The following UMODL1 variants were observed in gnomAD, a reference collection of about 807,000 sequenced individuals.
The protein encoded by UMODL1 is uromodulin-like 1.
A neutral mutation model predicts 136.3 loss-of-function variants in UMODL1; 128 were observed. That is an observed-to-expected ratio of 0.94 (90% CI 0.81 to 1.09). UMODL1 has a LOEUF of 1.09. Among genes scored for constraint, UMODL1 ranks in the 50% least tolerant of loss-of-function variants. The pLI is 0.00. For synonymous variants in UMODL1, 721 were observed against 720.0 expected, an observed-to-expected ratio of 1.00 and a Z score of -0.02; for missense variants, 1,766 against 1,725.6, an observed-to-expected ratio of 1.02 and a Z score of -0.41.
Position 42,084,617 on chromosome 21 carries a change from G to A in UMODL1, c.481+372G>A, listed in dbSNP as rs1423683362. 6.6e-5 allele frequency among the ~76,000 whole-genome samples: 10 copies of A among 152,222 alleles called. No homozygotes were observed. In the South Asian group the frequency reaches 1.0e-3, roughly 16 times the overall value. ...GGGCCTGACGAGCGCCACAGCACCC[G>A]TAGGCAGGCCCTGCCACCTCAGATA... On this transcript the variant is annotated intron_variant, in intron 3 of 22. Coordinates refer to ENST00000408910, the MANE Select transcript of UMODL1 (RefSeq NM_001004416.3).
chr21:42,086,325 T>G (rs949395989), intron 4 of UMODL1, among the ~76,000 whole-genome samples: 1 of 152,270 alleles, frequency 6.6e-6, no homozygotes, highest in Non-Finnish European at 1.5e-5. Flanking sequence ...AGATCTTTTG[T>G]GTGTCCCATA....
chr21:42,132,093 A>C (rs1167950139), intron 21 of UMODL1, among the ~76,000 whole-genome samples: 1 of 152,152 alleles, frequency 6.6e-6, no homozygotes, highest in African/African-American at 2.4e-5. Context: ...TGTATGGTTC[A>C]TCCATCATCC....
chr21:42,111,375 C>G, intron 11 of UMODL1, 131 bp from the exon 12 acceptor site: 1 of 1,611,838 alleles, frequency 6.2e-7, no homozygotes, highest in African/African-American at 1.3e-5. Context: ...CAGGGGAGCA[C>G]CAGCCAGGCG....
At chr21:42,087,411 G>A (rs2066438856) in intron 4 of UMODL1, among the ~76,000 whole-genome samples, 1 of 152,198 alleles carries the variant, frequency 6.6e-6, no homozygotes, top group South Asian at 2.1e-4. Flanking sequence ...GAGGCTTGGG[G>A]GTTTGCTGGC....
At position 42,113,810 on chromosome 21, in the gene UMODL1, C is replaced by T. The variant is rs756428262; in HGVS notation, c.2342C>T (p.Ala781Val). ...GCATGTGGGAAAGAAGGTGCCAGAG[C>T]TCATCTGAAAGTGAGGACAGGTAAT... is the stretch of plus-strand genomic sequence containing the variant. ...AKACGKEGAR[A>V]HLKVRTAARK... Residue 781 changes from alanine to valine, a missense_variant, in exon 13 of 23, where the codon GCT becomes GTT. Ala to Val is a moderately conservative substitution (Grantham distance 64, BLOSUM62 0). Coordinates refer to ENST00000408910, the MANE Select transcript of UMODL1 (RefSeq NM_001004416.3). 2 of 1,613,676 alleles carry T rather than the reference C, an allele frequency of 1.2e-6. No individual in the cohort carries two copies. Among genetic ancestry groups the T allele is most frequent in the Admixed American group, 3.3e-5 (2 of 60,004 alleles).
At chr21:42,081,024 G>C (rs1439655122) in intron 2 of UMODL1, among the ~76,000 whole-genome samples, 1 of 152,176 alleles carries the variant, frequency 6.6e-6, no homozygotes, top group African/African-American at 2.4e-5. Context: ...TGGATTATGC[G>C]CTGAGGATGA....
chr21:42,094,376 G>A (rs1025910122), intron 6 of UMODL1, among the ~76,000 whole-genome samples: 1 of 152,268 alleles, frequency 6.6e-6, no homozygotes, highest in African/African-American at 2.4e-5. Context: ...GGGCCAGACT[G>A]TCAGACGTGG....
At chr21:42,109,434 C>A (rs915528061) in intron 9 of UMODL1, 128 bp from the exon 10 acceptor site, 1 of 1,286,678 alleles carries the variant, frequency 7.8e-7, no homozygotes, top group East Asian at 2.4e-5. Flanking sequence ...ACGGATGCCC[C>A]AAAATGCCCC....
intron 17 of UMODL1, among the ~76,000 whole-genome samples, chr21:42,124,145 C>A (rs1199704772): frequency 6.6e-6 from 1 of 151,846 alleles, no homozygotes; most frequent in Non-Finnish European, 1.5e-5. Context: ...CCCATGCAGG[C>A]CCTTGTTCGT....
At chr21:42,086,041 C>A in intron 4 of UMODL1, among the ~76,000 whole-genome samples, 1 of 152,188 alleles carries the variant, frequency 6.6e-6, no homozygotes, top group Non-Finnish European at 1.5e-5. Context: ...GCAGTGATTA[C>A]CAACCAGGAT....
At position 42,115,895 on chromosome 21, in the gene UMODL1, G is replaced by A; in HGVS notation, c.2385G>A (p.Lys795=). The A allele has an allele frequency of 6.2e-7, 1 of 1,614,070 alleles. No homozygotes were observed. Among genetic ancestry groups the A allele is most frequent in the Non-Finnish European group, 8.5e-7 (1 of 1,179,980 alleles). The part of the protein sequence containing the change: ...VRTAARKLIG[K]VRIKNVRYSE... ...CAGCAGCCCGGAAGCTCATTGGAAA[G>A]GTCAGAATCAAAAATGTCAGGTACT... Residue 795 remains lysine (K), a synonymous_variant, in exon 14 of 23, where the codon AAG becomes AAA. Coordinates refer to ENST00000408910, the MANE Select transcript of UMODL1 (RefSeq NM_001004416.3).
At chr21:42,114,228 A>G (rs1361597884) in intron 13 of UMODL1, among the ~76,000 whole-genome samples, 2 of 152,230 alleles carry the variant, frequency 1.3e-5, no homozygotes, top group Admixed American at 1.3e-4. Flanking sequence ...TCAACAGACA[A>G]TCGGCAGTCA....
chr21:42,096,058 G>T (rs1484782650), intron 6 of UMODL1, among the ~76,000 whole-genome samples: 1 of 152,104 alleles, frequency 6.6e-6, no homozygotes, highest in Non-Finnish European at 1.5e-5. Context: ...ACTCATCATT[G>T]TTCCCTCAGT....
intron 6 of UMODL1, chr21:42,093,379 G>C (rs2066515884): frequency 6.5e-6 from 1 of 153,188 alleles, no homozygotes; most frequent in Non-Finnish European, 1.5e-5. Context: ...CACCACAGCT[G>C]GCTCATTTTT....
chr21:42,079,997 G>C (rs1413890489), intron 2 of UMODL1, among the ~76,000 whole-genome samples: 1 of 152,196 alleles, frequency 6.6e-6, no homozygotes, highest in Non-Finnish European at 1.5e-5. Context: ...AGCCCACGAG[G>C]CTTCTGCAAC....
At chr21:42,109,050 G>GC (rs2066774282) in intron 9 of UMODL1, among the ~76,000 whole-genome samples, 1 of 36,102 alleles carries the variant, frequency 2.8e-5, no homozygotes. Context: ...CCCCACCCCC[G>GC]GCGTGGAAAG....
At chr21:42,086,590 G>T (rs925557833) in intron 4 of UMODL1, 1 of 455,492 alleles carries the variant, frequency 2.2e-6, no homozygotes, top group Non-Finnish European at 4.4e-6. Context: ...ACACTGCCTG[G>T]CCCTAGTGTT....
chr21:42,099,257 G>A lies in UMODL1; in HGVS notation c.1186+77G>A, dbSNP rs1017091047. 4.5e-6 allele frequency: 7 copies of A among 1,549,516 alleles called. No homozygotes were observed. In the African/African-American group the frequency reaches 6.8e-5, roughly 15 times the overall value. Reference sequence around the variant, plus strand: ...CCCAGGTCTGTGGCCCTAGCATGTCGCGTTCTTCTTCCTATAACCAGGGCA... The same window carrying A: ...CCCAGGTCTGTGGCCCTAGCATGTCACGTTCTTCTTCCTATAACCAGGGCA... On this transcript the variant is annotated intron_variant, in intron 7 of 22. Transcript: ENST00000408910. The surrounding 1 kb of genome is among the most constrained non-coding windows in gnomAD (Gnocchi z 4.1).
chr21:42,081,817 C>A (rs2066365612), intron 2 of UMODL1, among the ~76,000 whole-genome samples: 1 of 152,190 alleles, frequency 6.6e-6, no homozygotes, highest in Non-Finnish European at 1.5e-5. Flanking sequence ...CCCCTGTTTT[C>A]CCCTGAATGT....
Sources: allele counts gnomAD v4.1 joint callset (sites outside exome capture counted in the v4.1 genomes callset), GRCh38; gene constraint gnomAD v4.1.1; non-coding constraint Gnocchi (gnomAD v3.1); transcripts MANE v1.5; gene names NCBI Gene and HGNC (gene_info 2026-07-23, HGNC 2026-07-21).